Variants in MEGF6 observed in about 807,000 individuals in gnomAD.
MEGF6 encodes the protein multiple epidermal growth factor-like domains protein 6.
In MEGF6, 184 loss-of-function variants were observed where a neutral mutation model predicts 207.1. The observed-to-expected ratio is 0.89, with a 90% CI of 0.79 to 1.00. MEGF6 has a LOEUF of 1.00. MEGF6 is among the 50% of genes least tolerant of loss of function. MEGF6 has a pLI of 0.00. For missense variants in MEGF6, 2,282 were observed against 2,202.9 expected (o/e 1.04, Z -0.72); for synonymous variants, 1,038 against 910.0 (o/e 1.14, Z -2.53).
intron 29 of MEGF6, 117 bp from the exon 30 acceptor site, chr1:3,496,135 A>G: frequency 7.2e-7 from 1 of 1,381,536 alleles, no homozygotes; most frequent in African/African-American, 1.5e-5. Context: ...TCTGCCCCAG[A>G]CAGGGTGGGG....
chr1:3,521,151 G>A (rs1641732676), intron 5 of MEGF6, among the ~76,000 whole-genome samples: 1 of 152,152 alleles, frequency 6.6e-6, no homozygotes, highest in Non-Finnish European at 1.5e-5. Flanking sequence ...GCCTGGGGGA[G>A]GGGCTCCACG....
intron 4 of MEGF6, among the ~76,000 whole-genome samples, chr1:3,562,204 G>A (rs915367924): frequency 1.3e-5 from 2 of 152,112 alleles, no homozygotes; most frequent in African/African-American, 4.8e-5. Context: ...ATTTCTCTGC[G>A]TGTTTGTCTC....
intron 4 of MEGF6, among the ~76,000 whole-genome samples, chr1:3,568,964 G>A (rs1469866983): frequency 6.6e-6 from 1 of 152,002 alleles, no homozygotes; most frequent in African/African-American, 2.4e-5. Flanking sequence ...GCCCATGAGA[G>A]CTGTCAGGCT....
chr1:3,532,385 A>G (rs114813163), intron 4 of MEGF6, among the ~76,000 whole-genome samples: 4,308 of 152,282 alleles, frequency 0.028, 204 homozygotes, highest in African/African-American at 0.098. Flanking sequence ...CCTAGCCTCC[A>G]TGGAGATGGA....
chr1:3,608,020 G>A (rs920687717), intron 1 of MEGF6, among the ~76,000 whole-genome samples: 5 of 152,206 alleles, frequency 3.3e-5, no homozygotes, highest in African/African-American at 1.2e-4. Flanking sequence ...CCCTGTGGGC[G>A]GCGGGGGTGA....
chr1:3,598,549 C>G (rs1281083753), intron 2 of MEGF6, among the ~76,000 whole-genome samples: 1 of 152,198 alleles, frequency 6.6e-6, no homozygotes, highest in Non-Finnish European at 1.5e-5. Flanking sequence ...TGCTGCTTCC[C>G]TGGGCCGCTG....
chr1:3,510,782 C>T lies in MEGF6; in HGVS notation c.1234+1G>A, dbSNP rs1234337997. ...CTGTGCAGTGGCAGGGCAGTGCTCA[C>T]CCTCACAGCCGCAGCCATCGGCACT... On this transcript the variant is annotated splice_donor_variant, in intron 10 of 36. Coordinates refer to ENST00000356575, the MANE Select transcript of MEGF6 (RefSeq NM_001409.4). LOFTEE classifies it high-confidence loss of function. 1 of 1,601,268 alleles carries T rather than the reference C, an allele frequency of 6.2e-7. No homozygotes were observed. Among genetic ancestry groups the T allele is most frequent in the Non-Finnish European group, 8.5e-7 (1 of 1,171,602 alleles).
At chr1:3,542,102 C>G (rs1372215434) in intron 4 of MEGF6, among the ~76,000 whole-genome samples, 1 of 152,096 alleles carries the variant, frequency 6.6e-6, no homozygotes, top group Non-Finnish European at 1.5e-5. Context: ...CCGGCTGCCC[C>G]GTTTCCCGTG....
intron 3 of MEGF6, among the ~76,000 whole-genome samples, chr1:3,580,384 A>T (rs1412545319): frequency 6.6e-6 from 1 of 152,092 alleles, no homozygotes; most frequent in African/African-American, 2.4e-5. Flanking sequence ...CAGCCCCGGG[A>T]GGGGAGGCTC....
At chr1:3,549,596 T>C (rs969942804) in intron 4 of MEGF6, among the ~76,000 whole-genome samples, 21 of 151,892 alleles carry the variant, frequency 1.4e-4, no homozygotes, top group African/African-American at 5.1e-4. Context: ...TGCAGAAGGG[T>C]CCATCAATTC....
intron 4 of MEGF6, among the ~76,000 whole-genome samples, chr1:3,550,639 C>G (rs1642854344): frequency 6.6e-6 from 1 of 152,060 alleles, no homozygotes; most frequent in East Asian, 1.9e-4. Context: ...GCCCAGGCCT[C>G]CGGGGTGCTC....
intron 4 of MEGF6, among the ~76,000 whole-genome samples, chr1:3,539,144 G>A (rs1642423325): frequency 6.6e-6 from 1 of 152,176 alleles, no homozygotes; most frequent in South Asian, 2.1e-4. Flanking sequence ...GTGATCAAGG[G>A]TGCCCTGGGG....
rs748934864 is a variant in MEGF6, at chr1:3,501,885, C to CT, written c.2224dup (p.Ser742LysfsTer29). 6.2e-7 allele frequency: 1 copy of CT among 1,609,506 alleles called. No homozygotes were observed. The highest frequency in any genetic ancestry group is 1.3e-5 in the African/African-American group (1 of 74,616). On this transcript the variant is annotated frameshift_variant, in exon 18 of 37. Transcript: ENST00000356575. LOFTEE classifies it high-confidence loss of function. ...GGGGGCCCCCCCACAGGAGCAGGAG[C>CT]TCGAGCAGTTCACGCCAAACGTCCC...
At chr1:3,586,304 A>G (rs1479709099) in intron 3 of MEGF6, among the ~76,000 whole-genome samples, 1 of 152,234 alleles carries the variant, frequency 6.6e-6, no homozygotes, top group Non-Finnish European at 1.5e-5. Flanking sequence ...ATAAGCATGC[A>G]TGTGGCGTGT....
intron 34 of MEGF6, chr1:3,493,014 C>CAGGCCCCAGGTG: frequency 1.9e-6 from 1 of 539,924 alleles, no homozygotes; most frequent in South Asian, 2.6e-5. Context: ...CCCAGGCACA[C>CAGGCCCCAGGTG]GTCCAGAGTC....
chr1:3,576,501 G>A (rs1161782089), intron 4 of MEGF6, among the ~76,000 whole-genome samples: 1 of 152,194 alleles, frequency 6.6e-6, no homozygotes, highest in Non-Finnish European at 1.5e-5. Context: ...TGGGGGGTTA[G>A]TGAAATATTC....
Position 3,506,121 on chromosome 1 carries a change from G to T in MEGF6, c.1905C>A (p.Arg635=). 6.3e-7 allele frequency: 1 copy of T among 1,593,978 alleles called. No individual in the cohort carries two copies. The highest frequency in any genetic ancestry group is 8.5e-7 in the Non-Finnish European group (1 of 1,170,800). Residue 635 remains arginine, a synonymous_variant, in exon 15 of 37, where the codon CGC becomes CGA. Transcript: ENST00000356575. The part of the protein sequence containing the change: ...ACLCDPGLYG[R]FCHLTCPPWA... ...AGTGAGACTCACTGAGGTGGCAGAA[G>T]CGGCCGTAGAGCCCTGGGTCGCAGA...
In MEGF6 at chr1:3,506,204, G is replaced by T. The variant is rs368929201; in HGVS notation, c.1822C>A (p.Arg608Ser). The change falls in exon 15 of 37, where the codon CGC becomes AGC. Residue 608 changes from arginine to serine, a missense_variant. Arg to Ser is a moderately radical substitution (Grantham distance 110). Coordinates refer to ENST00000356575, the MANE Select transcript of MEGF6 (RefSeq NM_001409.4). The part of the protein sequence containing the change: ...CPKGYYGKHC[R>S]KKCNCANRGR... ...CGGTTGGCACAGTTGCATTTCTTGC[G>T]ACAGTGCTTGCCATAGTAGCCCTTG... 6 of 1,607,018 alleles carry T rather than the reference G, an allele frequency of 3.7e-6. No homozygotes were observed. The highest frequency in any genetic ancestry group is 1.1e-5 in the South Asian group (1 of 89,980).
At chr1:3,495,385 T>C (rs2100852864) in intron 30 of MEGF6, among the ~76,000 whole-genome samples, 1 of 152,278 alleles carries the variant, frequency 6.6e-6, no homozygotes, top group African/African-American at 2.4e-5. Flanking sequence ...GCTGTGTTCA[T>C]GAGCACTGGG....
Sources: allele counts gnomAD v4.1 joint callset (sites outside exome capture counted in the v4.1 genomes callset), GRCh38; gene constraint gnomAD v4.1.1; transcripts MANE v1.5; gene names NCBI Gene and HGNC (gene_info 2026-07-23, HGNC 2026-07-21).